BICD1: variants seen among roughly 807,000 people sequenced by gnomAD.
BICD1 encodes the protein protein bicaudal D homolog 1.
Under a neutral mutation model 92.5 loss-of-function variants are expected in BICD1, and 35 were observed. That is an observed-to-expected ratio of 0.38 (90% CI 0.29 to 0.50). The LOEUF (loss-of-function observed/expected upper bound fraction) is 0.50. Ranked by LOEUF, BICD1 falls within the 20% of genes least tolerant of loss-of-function variation. The pLI is 0.93. For synonymous variants in BICD1, 429 were observed against 465.1 expected (o/e 0.92, Z 1.00); for missense variants, 950 against 1,189.8 (o/e 0.80, Z 2.97).
At chr12:32,233,654 A>G (rs889871729) in intron 2 of BICD1, among the ~76,000 whole-genome samples, 2 of 151,308 alleles carry the variant, frequency 1.3e-5, no homozygotes, top group African/African-American at 2.4e-5. Flanking sequence ...TCCATTTTGT[A>G]CATATTGATT....
intron 2 of BICD1, among the ~76,000 whole-genome samples, chr12:32,220,041 T>C (rs996468921): frequency 1.3e-5 from 2 of 152,208 alleles, no homozygotes; most frequent in African/African-American, 2.4e-5. Flanking sequence ...GCTAGCCATA[T>C]GTAGAAAGCT....
intron 1 of BICD1, among the ~76,000 whole-genome samples, chr12:32,202,684 C>T (rs927990401): frequency 2.6e-5 from 4 of 152,086 alleles, no homozygotes; most frequent in African/African-American, 4.8e-5. Context: ...GATCTTGGCT[C>T]ACTGCAGCCT....
intron 1 of BICD1, among the ~76,000 whole-genome samples, chr12:32,116,482 CTCTCTCTCTT>C (rs1266063068): frequency 0.016 from 1,795 of 114,570 alleles, 12 homozygotes; most frequent in Non-Finnish European, 0.021. Flanking sequence ...CTCTCTCTCT[CTCTCTCTCTT>C]TCTCTCTCTC....
intron 8 of BICD1, among the ~76,000 whole-genome samples, chr12:32,363,893 A>G (rs73303956): frequency 0.024 from 3,590 of 152,222 alleles, 135 homozygotes; most frequent in African/African-American, 0.081. Context: ...TTCCTTATAG[A>G]TGAAGTGAGA....
chr12:32,110,298 T>A (rs745363246), intron 1 of BICD1, among the ~76,000 whole-genome samples: 1 of 152,232 alleles, frequency 6.6e-6, no homozygotes, highest in African/African-American at 2.4e-5. Flanking sequence ...CCTAGTTATT[T>A]CTTCCCTCAA....
At position 32,333,374 on chromosome 12, in the gene BICD1, C is replaced by G. The variant is rs935570696; in HGVS notation, c.2101-1142C>G. On this transcript the variant is annotated intron_variant, in intron 5 of 9. Transcript: ENST00000652176. ...TGAATTTAAATCCAATCAAAACTCA[C>G]AAGAAACTACTTCGGAATCAAAACA... 3 of 747,318 alleles carry G rather than the reference C, an allele frequency of 4.0e-6. No individual in the cohort carries two copies. In the Admixed American group the frequency reaches 1.9e-4, roughly 47 times the overall value. The allele number at this position is 747,318 out of a possible 1,614,324, so 46.3% of individuals were successfully genotyped here.
chr12:32,118,299 T>C (rs1942019304), intron 1 of BICD1, among the ~76,000 whole-genome samples: 1 of 149,066 alleles, frequency 6.7e-6, no homozygotes, highest in Admixed American at 6.8e-5. Context: ...GCCAGGATGG[T>C]CTCGATCTCT....
intron 4 of BICD1, among the ~76,000 whole-genome samples, chr12:32,306,914 G>A (rs1321427091): frequency 6.6e-6 from 1 of 151,916 alleles, no homozygotes; most frequent in African/African-American, 2.4e-5. Flanking sequence ...TAACTCAGGA[G>A]GCTGAGTCAG....
chr12:32,295,659 T>TC (rs1350629927), intron 3 of BICD1, among the ~76,000 whole-genome samples: 1 of 150,128 alleles, frequency 6.7e-6, no homozygotes, highest in Non-Finnish European at 1.5e-5. Context: ...TTGATTTCTT[T>TC]TTTTTTTTTT....
At chr12:32,187,386 T>C (rs1944446416) in intron 1 of BICD1, among the ~76,000 whole-genome samples, 1 of 152,064 alleles carries the variant, frequency 6.6e-6, no homozygotes. Flanking sequence ...TGAAAATGAA[T>C]CTATGGGCTG....
intron 1 of BICD1, among the ~76,000 whole-genome samples, chr12:32,207,955 C>T (rs192880155): frequency 3.3e-5 from 5 of 152,270 alleles, no homozygotes; most frequent in African/African-American, 1.2e-4. Context: ...AACCTTTACA[C>T]CAGAGGAAGC....
chr12:32,337,418 A>G lies in BICD1; in HGVS notation c.2253-81A>G. On this transcript the variant is annotated intron_variant, in intron 6 of 9. Coordinates refer to ENST00000652176, the MANE Select transcript of BICD1 (RefSeq NM_001714.4). This position sits in a 1 kb window ranked among gnomAD's most constrained non-coding sequence, Gnocchi z 4.7. The stretch of plus-strand genomic sequence containing the variant: ...TCTTCTAAATTTCTAAATTTCGGTC[A>G]AATTTATTACTTTTCAGCTTAACTC... 1 of 1,385,650 alleles carries G rather than the reference A, an allele frequency of 7.2e-7. No homozygotes were observed. 85.8% of individuals were successfully genotyped at this position (1,385,650 alleles called of 1,614,324 possible). A position where few individuals can be genotyped will look rare whatever the true frequency, so the allele number is the denominator to read the frequency against.
chr12:32,128,018 C>G (rs1942405599), intron 1 of BICD1, among the ~76,000 whole-genome samples: 1 of 151,846 alleles, frequency 6.6e-6, no homozygotes, highest in African/African-American at 2.4e-5. Flanking sequence ...ATTCTCCTGC[C>G]TCAGCCTCCT....
chr12:32,320,895 A>G (rs539930631), intron 4 of BICD1, among the ~76,000 whole-genome samples: 9 of 152,352 alleles, frequency 5.9e-5, no homozygotes, highest in African/African-American at 2.2e-4. Flanking sequence ...CAGTCACTAC[A>G]GAAGATCATA....
chr12:32,259,946 T>G (rs1946814159), intron 2 of BICD1, among the ~76,000 whole-genome samples: 1 of 149,886 alleles, frequency 6.7e-6, no homozygotes, highest in Admixed American at 6.6e-5. Context: ...TTTTTTGAGA[T>G]GGAGTTTTGC....
At chr12:32,249,593 G>A (rs2136101360) in intron 2 of BICD1, among the ~76,000 whole-genome samples, 1 of 152,130 alleles carries the variant, frequency 6.6e-6, no homozygotes, top group Non-Finnish European at 1.5e-5. Context: ...TTCACATGGA[G>A]CCTAAGTTAA....
Position 32,328,477 on chromosome 12 carries a change from C to G in BICD1, c.2022C>G (p.Ile674Met). The change falls in exon 5 of 10, where the codon ATC becomes ATG. Residue 674 changes from isoleucine to methionine, a missense_variant. Physicochemically the swap from Ile to Met is conservative, Grantham distance 10 (BLOSUM62 1). Transcript: ENST00000652176. The surrounding 1 kb of genome is among the most constrained non-coding windows in gnomAD (Gnocchi z 4.4). ...ACAAGGAAGCCTTAATGGAAGAGAT[C>G]CTCAAGCTAAAGTCCCTGCTGAGCA... ...DKDKEALMEEILKLKSLLSTK... is the reference protein window; with the variant it reads ...DKDKEALMEEMLKLKSLLSTK... The G allele has an allele frequency of 6.2e-7, 1 of 1,614,190 alleles. No homozygotes were observed. The highest frequency in any genetic ancestry group is 1.1e-5 in the South Asian group (1 of 91,088).
chr12:32,373,878 A>C (rs1404399711), intron 9 of BICD1, among the ~76,000 whole-genome samples: 1 of 122,510 alleles, frequency 8.2e-6, no homozygotes, highest in Non-Finnish European at 1.8e-5. Context: ...AGACTGTCTC[A>C]AAAAAAAAAA....
At chr12:32,114,969 A>G (rs1941836557) in intron 1 of BICD1, among the ~76,000 whole-genome samples, 1 of 152,142 alleles carries the variant, frequency 6.6e-6, no homozygotes, top group South Asian at 2.1e-4. Flanking sequence ...TTTAATCTTT[A>G]TTGAAGATGC....
Sources: gnomAD v4.1 joint callset for allele counts (sites outside exome capture counted in the v4.1 genomes callset) on GRCh38, gnomAD v4.1.1 for gene constraint, Gnocchi (gnomAD v3.1) non-coding constraint, MANE v1.5 for transcripts, NCBI Gene and HGNC (gene_info 2026-07-23, HGNC 2026-07-21) for gene names.